CHD1: variants seen among roughly 807,000 people sequenced by gnomAD.
CHD1 encodes the protein ATP-dependent chromatin remodeler CHD1.
A neutral mutation model predicts 224.2 loss-of-function variants in CHD1; 36 were observed. That is an observed-to-expected ratio of 0.16 (90% CI 0.12 to 0.21). CHD1 has a LOEUF of 0.21. Among genes scored for constraint, CHD1 ranks in the 10% least tolerant of loss-of-function variants. CHD1 has a pLI of 1.00. For missense variants in CHD1, 1,378 were observed against 1,994.8 expected (o/e 0.69, Z 5.89); for synonymous variants, 668 against 658.3 (o/e 1.01, Z -0.23).
In CHD1 at chr5:98,902,953, G is replaced by A; in HGVS notation, c.384C>T (p.Ser128=). 6.3e-7 allele frequency: 1 copy of A among 1,594,196 alleles called. No homozygotes were observed. Among genetic ancestry groups the A allele is most frequent in the Non-Finnish European group, 8.6e-7 (1 of 1,164,602 alleles). Residue 128 remains serine, a synonymous_variant, in exon 5 of 36, where the codon AGC becomes AGT. Coordinates refer to ENST00000614616, the MANE Select transcript of CHD1 (RefSeq NM_001270.4). ...SNSGSEEDSS[S]SEDSDDSSSE... ...TTGATGAGTCATCGGAATCTTCACTGCTAGAGGAATCCTGTAGAAAAGAAA... is the reference window on the plus strand; with the variant it reads ...TTGATGAGTCATCGGAATCTTCACTACTAGAGGAATCCTGTAGAAAAGAAA...
chr5:98,927,855 T>C (rs1264204067), intron 1 of CHD1, among the ~76,000 whole-genome samples: 4 of 152,194 alleles, frequency 2.6e-5, no homozygotes, highest in Non-Finnish European at 5.9e-5. Flanking sequence ...TGAGACCCTT[T>C]TCACAACCCT....
intron 31 of CHD1, among the ~76,000 whole-genome samples, chr5:98,868,217 C>G (rs1458156132): frequency 6.6e-6 from 1 of 151,542 alleles, no homozygotes; most frequent in Non-Finnish European, 1.5e-5. Context: ...GTCCCAGCTA[C>G]TCGAGAGGCT....
intron 4 of CHD1, 63 bp downstream of exon 4, chr5:98,903,729 T>C (rs1203806452): frequency 1.9e-6 from 2 of 1,064,708 alleles, no homozygotes; most frequent in Middle Eastern, 2.0e-4. Context: ...ATTTCACAAA[T>C]ACTAGTTAAC....
At chr5:98,927,513 A>G (rs1294342961) in intron 1 of CHD1, among the ~76,000 whole-genome samples, 2 of 152,218 alleles carry the variant, frequency 1.3e-5, no homozygotes, top group Admixed American at 6.5e-5. Flanking sequence ...ACTCAATGAT[A>G]GCAAAGTCTG....
intron 31 of CHD1, among the ~76,000 whole-genome samples, chr5:98,865,930 C>T (rs573576509): frequency 1.5e-5 from 2 of 136,910 alleles, no homozygotes; most frequent in African/African-American, 6.2e-5. Context: ...TGAAAAAGTC[C>T]GAAGATTAAA....
At chr5:98,909,080 T>C (rs932846211) in intron 2 of CHD1, among the ~76,000 whole-genome samples, 1 of 152,152 alleles carries the variant, frequency 6.6e-6, no homozygotes, top group Non-Finnish European at 1.5e-5. Flanking sequence ...AAGAAACTAT[T>C]TGTAAACATT....
chr5:98,912,793 T>TA (rs1752508418), intron 2 of CHD1, among the ~76,000 whole-genome samples: 1 of 152,240 alleles, frequency 6.6e-6, no homozygotes, highest in Non-Finnish European at 1.5e-5. Context: ...ATACGTAAAT[T>TA]AGACAGCTTA....
At chr5:98,873,960 T>C (rs529591135) in intron 25 of CHD1, among the ~76,000 whole-genome samples, 130 of 152,360 alleles carry the variant, frequency 8.5e-4, no homozygotes, top group African/African-American at 3.0e-3. Flanking sequence ...GAAGATTATA[T>C]ACCAATTCTG....
chr5:98,863,776 A>G (rs1748651576), intron 31 of CHD1, among the ~76,000 whole-genome samples, 190 bp from the exon 32 acceptor site: 1 of 152,118 alleles, frequency 6.6e-6, no homozygotes, highest in Non-Finnish European at 1.5e-5. Context: ...TCTTCAGGAG[A>G]GCAAGCCTTT....
intron 2 of CHD1, among the ~76,000 whole-genome samples, chr5:98,907,055 G>C (rs1561535551): frequency 6.6e-6 from 1 of 152,166 alleles, no homozygotes; most frequent in Non-Finnish European, 1.5e-5. Context: ...TTAGTCATTA[G>C]TCATTCCAGA....
rs1750228854 is a variant in CHD1 at position 98,882,028 on chromosome 5, T to C, written c.2814A>G (p.Gln938=). The part of the protein sequence containing the change: ...KKMVLDHLVI[Q]RMDTTGKTVL... ...CTGTCTTCCCAGTTGTGTCCATTCT[T>C]TGAATTACAAGATGATCTAAAACCA... Residue 938 remains glutamine, a synonymous_variant, in exon 20 of 36, where the codon CAA becomes CAG. Transcript: ENST00000614616. 6.2e-7 allele frequency: 1 copy of C among 1,613,928 alleles called. No individual in the cohort carries two copies. The highest frequency in any genetic ancestry group is 8.5e-7 in the Non-Finnish European group (1 of 1,179,892).
chr5:98,895,752 A>G (rs1330907804), intron 12 of CHD1, among the ~76,000 whole-genome samples: 1 of 151,900 alleles, frequency 6.6e-6, no homozygotes. Context: ...AAACAAAAAA[A>G]AAAAAACCCA....
In CHD1 at chr5:98,913,242, G is replaced by A. The variant is rs559284787; in HGVS notation, c.54-8144C>T. Among the ~76,000 whole-genome samples, 13 of 152,142 alleles carry A rather than the reference G, an allele frequency of 8.5e-5. 1 individual carries two copies. The South Asian group carries it at 1.2e-3, about 15-fold the overall frequency. Reference sequence around the variant, plus strand: ...TCCCAACACTTTGGAAAGCTGAGGCGGGAAGATCACTTGAGGCCAGGAGTT... The same window carrying A: ...TCCCAACACTTTGGAAAGCTGAGGCAGGAAGATCACTTGAGGCCAGGAGTT... On this transcript the variant is annotated intron_variant, in intron 2 of 35. Coordinates refer to ENST00000614616, the MANE Select transcript of CHD1 (RefSeq NM_001270.4).
intron 2 of CHD1, among the ~76,000 whole-genome samples, chr5:98,911,146 A>AAATAT (rs1491111295): frequency 1.7e-3 from 68 of 39,120 alleles, no homozygotes; most frequent in South Asian, 2.1e-3. Context: ...AAAAAAAAAA[A>AAATAT]ATATATATAT....
intron 2 of CHD1, among the ~76,000 whole-genome samples, chr5:98,919,228 C>T (rs1169116179): frequency 6.6e-6 from 1 of 152,050 alleles, no homozygotes; most frequent in African/African-American, 2.4e-5. Flanking sequence ...TACTGGAGTA[C>T]AGAAAAAATG....
In CHD1 at chr5:98,901,314, C is replaced by T. The variant is rs148189819; in HGVS notation, c.459G>A (p.Gly153=). 1 of 1,607,002 alleles carries T rather than the reference C, an allele frequency of 6.2e-7. No homozygotes were observed. The highest frequency in any genetic ancestry group is 1.1e-5 in the South Asian group (1 of 89,086). ...KHKDEDWQMS[G]SGSPSQSGSD... ...AACCAGACTGAGATGGAGATCCTGACCCAGACATTTGCCAATCTTCACTGC... is the reference window on the plus strand; with the variant it reads ...AACCAGACTGAGATGGAGATCCTGATCCAGACATTTGCCAATCTTCACTGC... Residue 153 remains glycine, a synonymous_variant, in exon 6 of 36, where the codon GGG becomes GGA. Transcript: ENST00000614616.
intron 14 of CHD1, 90 bp from the exon 15 acceptor site, chr5:98,892,803 T>A (rs1751104670): frequency 1.4e-6 from 1 of 716,042 alleles, no homozygotes; most frequent in Non-Finnish European, 2.1e-6. Flanking sequence ...GAGTCATTTA[T>A]AAACAAAATA....
chr5:98,894,488 A>G, intron 13 of CHD1, 109 bp downstream of exon 13: 1 of 424,054 alleles, frequency 2.4e-6, no homozygotes, highest in Admixed American at 4.1e-5. Flanking sequence ...ACCACAGGCT[A>G]TAGCTTGCTG....
chr5:98,916,073 T>C (rs190153377), intron 2 of CHD1, among the ~76,000 whole-genome samples: 2,491 of 152,046 alleles, frequency 0.016, 23 homozygotes, highest in Non-Finnish European at 0.028. Context: ...ATGCCTGTAA[T>C]CCCAGCTACT....
Sources: allele counts gnomAD v4.1 joint callset (sites outside exome capture counted in the v4.1 genomes callset), GRCh38; gene constraint gnomAD v4.1.1; transcripts MANE v1.5; gene names NCBI Gene and HGNC (gene_info 2026-07-23, HGNC 2026-07-21).